The following GRIK1 variants were observed in gnomAD, a reference collection of about 807,000 sequenced individuals.
The protein encoded by GRIK1 is glutamate ionotropic receptor kainate type subunit 1.
Under a neutral mutation model 105.7 loss-of-function variants are expected in GRIK1, and 69 were observed. The observed-to-expected ratio is 0.65, with a 90% confidence interval of 0.54 to 0.80. GRIK1 has a LOEUF of 0.80. Among genes scored for constraint, GRIK1 ranks in the 30% least tolerant of loss-of-function variants. GRIK1 has a pLI of 0.00. For synonymous variants in GRIK1, 438 were observed against 431.3 expected, an observed-to-expected ratio of 1.02 and a Z score of -0.19; for missense variants, 1,109 against 1,167.3, an observed-to-expected ratio of 0.95 and a Z score of 0.73.
At chr21:29,543,115 T>C (rs2089996566) in intron 16 of GRIK1, among the ~76,000 whole-genome samples, 1 of 152,152 alleles carries the variant, frequency 6.6e-6, no homozygotes, top group Non-Finnish European at 1.5e-5. Context: ...TTACTATTTT[T>C]TTTTGTCTTG....
intron 1 of GRIK1, among the ~76,000 whole-genome samples, chr21:29,718,694 A>ACAAT (rs1488973433): frequency 6.6e-6 from 1 of 152,234 alleles, no homozygotes; most frequent in Non-Finnish European, 1.5e-5. Flanking sequence ...GGAGCCCTTG[A>ACAAT]CAATGGCAAA....
At chr21:29,608,482 AAGAT>A (rs2061666338) in intron 7 of GRIK1, among the ~76,000 whole-genome samples, 1 of 152,178 alleles carries the variant, frequency 6.6e-6, no homozygotes, top group Non-Finnish European at 1.5e-5. Flanking sequence ...GTTCATTAAT[AAGAT>A]AGATATTTTA....
At position 29,603,203 on chromosome 21, in the gene GRIK1, C is replaced by T. The variant is rs528122669; in HGVS notation, c.1099-4266G>A. 5.7e-4 allele frequency among the ~76,000 whole-genome samples: 87 copies of T among 152,014 alleles called. 1 individual carries two copies. The highest frequency in any genetic ancestry group is 1.6e-3 in the Admixed American group (24 of 15,258). On this transcript the variant is annotated intron_variant, in intron 7 of 17. Coordinates refer to ENST00000327783, the MANE Select transcript of GRIK1 (RefSeq NM_001330994.2). Reference sequence around the variant, plus strand: ...CATTCAGATAGAGTGGATATTATGACAAAAGGATACTTTACCACTGATAGT... The same window carrying T: ...CATTCAGATAGAGTGGATATTATGATAAAAGGATACTTTACCACTGATAGT...
rs570016456 is a variant in GRIK1 at position 29,938,191 on chromosome 21, G to A, written c.118+1192C>T. On this transcript the variant is annotated intron_variant, in intron 1 of 17. Transcript: ENST00000327783. The stretch of plus-strand genomic sequence containing the variant: ...GAGCAATTTCAACTGCTCAGGAAGC[G>A]TCACTATGCCAGTGTCTGGCACTGC... Among the ~76,000 whole-genome samples, 9 of 152,332 alleles carry A rather than the reference G, an allele frequency of 5.9e-5. No homozygotes were observed. The South Asian group carries it at 1.9e-3, about 32-fold the overall frequency.
chr21:29,617,470 G>GT (rs1415167627), intron 7 of GRIK1, among the ~76,000 whole-genome samples: 1 of 152,158 alleles, frequency 6.6e-6, no homozygotes, highest in Non-Finnish European at 1.5e-5. Context: ...CAATCAAAAA[G>GT]TTAATAAAGT....
At chr21:29,574,802 C>T (rs968493923) in intron 14 of GRIK1, among the ~76,000 whole-genome samples, 12 of 151,156 alleles carry the variant, frequency 7.9e-5, no homozygotes, top group South Asian at 4.2e-4. Context: ...ATTCTCCTGC[C>T]TCAGCCTCCC....
intron 1 of GRIK1, among the ~76,000 whole-genome samples, chr21:29,781,889 C>G (rs1420888167): frequency 1.3e-5 from 2 of 149,674 alleles, no homozygotes; most frequent in Non-Finnish European, 3.0e-5. Flanking sequence ...CCAGGATGGT[C>G]TCGATCTCCT....
chr21:29,743,796 T>C (rs1462516165), intron 1 of GRIK1, among the ~76,000 whole-genome samples: 4 of 152,186 alleles, frequency 2.6e-5, no homozygotes, highest in Admixed American at 1.3e-4. Flanking sequence ...TGAAAATTAA[T>C]ATAATTACCT....
intron 1 of GRIK1, among the ~76,000 whole-genome samples, chr21:29,795,350 A>G (rs777155158): frequency 1.2e-4 from 18 of 151,842 alleles, no homozygotes; most frequent in Non-Finnish European, 2.6e-4. Flanking sequence ...CTATTTTAAG[A>G]TTGGTTAATT....
At chr21:29,804,657 C>T (rs1270672232) in intron 1 of GRIK1, among the ~76,000 whole-genome samples, 1 of 152,074 alleles carries the variant, frequency 6.6e-6, no homozygotes, top group Non-Finnish European at 1.5e-5. Context: ...AGAAATGACA[C>T]ATTCTATGTT....
At chr21:29,821,853 A>C (rs1029319277) in intron 1 of GRIK1, among the ~76,000 whole-genome samples, 8 of 152,020 alleles carry the variant, frequency 5.3e-5, no homozygotes, top group African/African-American at 1.9e-4. Context: ...CATACATTTT[A>C]TGTACTCATG....
At chr21:29,666,999 T>C (rs1013582022) in intron 4 of GRIK1, among the ~76,000 whole-genome samples, 16 of 152,230 alleles carry the variant, frequency 1.1e-4, no homozygotes, top group African/African-American at 3.9e-4. Context: ...CTCATAAAAA[T>C]TAAATGACTG....
chr21:29,925,528 C>T (rs1457960890), intron 1 of GRIK1, among the ~76,000 whole-genome samples: 1 of 151,992 alleles, frequency 6.6e-6, no homozygotes, highest in Non-Finnish European at 1.5e-5. Context: ...GGTGTGAATA[C>T]ATAAATTAAA....
At chr21:29,560,347 C>CTTTT (rs1421368241) in intron 15 of GRIK1, among the ~76,000 whole-genome samples, 1 of 97,924 alleles carries the variant, frequency 1.0e-5, no homozygotes, top group Non-Finnish European at 2.0e-5. Context: ...TTCTTTCTTT[C>CTTTT]TTTCTTTCTT....
Position 29,561,564 on chromosome 21 carries a change from C to G in GRIK1, c.2356+60G>C, listed in dbSNP as rs1009383047. ...GAATAAAGAACTCTGAGCCCATTGC[C>G]TTCTATACTGGTAACTGACATTCTG... On this transcript the variant is annotated intron_variant, in intron 15 of 17. Transcript: ENST00000327783. 2.4e-5 allele frequency: 27 copies of G among 1,144,972 alleles called. No homozygotes were observed. The Admixed American group carries it at 4.1e-4, about 17-fold the overall frequency. The allele number at this position is 1,144,972 out of a possible 1,614,324, so 70.9% of individuals were successfully genotyped here.
At chr21:29,661,454 G>C (rs182022270) in intron 4 of GRIK1, among the ~76,000 whole-genome samples, 4 of 152,294 alleles carry the variant, frequency 2.6e-5, no homozygotes, top group Non-Finnish European at 5.9e-5. Context: ...GGCAGAGAAG[G>C]TGTAAATGGG....
intron 1 of GRIK1, among the ~76,000 whole-genome samples, chr21:29,846,840 C>G (rs2068140020): frequency 6.6e-6 from 1 of 151,906 alleles, no homozygotes; most frequent in Non-Finnish European, 1.5e-5. Context: ...TCGTTTGTTT[C>G]CTTCATTATA....
chr21:29,931,331 T>C (rs1216443111), intron 1 of GRIK1, among the ~76,000 whole-genome samples: 1 of 152,182 alleles, frequency 6.6e-6, no homozygotes, highest in African/African-American at 2.4e-5. Flanking sequence ...TTTTGGTCAA[T>C]ATTGGTCAGC....
intron 1 of GRIK1, among the ~76,000 whole-genome samples, chr21:29,730,851 T>C (rs2064604476): frequency 6.6e-6 from 1 of 152,144 alleles, no homozygotes; most frequent in African/African-American, 2.4e-5. Flanking sequence ...TCATTAAAAA[T>C]GAAATTAAAA....
Sources: gnomAD v4.1 joint callset for allele counts (sites outside exome capture counted in the v4.1 genomes callset) on GRCh38, gnomAD v4.1.1 for gene constraint, MANE v1.5 for transcripts, NCBI Gene and HGNC (gene_info 2026-07-23, HGNC 2026-07-21) for gene names.